The following POLR1A variants were observed in gnomAD, a reference collection of about 807,000 sequenced individuals.
POLR1A encodes RNA polymerase I subunit A, also known as DNA-directed RNA polymerase I subunit RPA1.
POLR1A carries 84 observed loss-of-function variants against 205.3 expected under a neutral mutation model. The ratio of observed to expected loss-of-function variants is 0.41; its 90% confidence interval spans 0.34 to 0.49. POLR1A has a LOEUF of 0.49. POLR1A is among the 20% of genes least tolerant of loss of function. The pLI is 0.22. For synonymous variants in POLR1A, 799 were observed against 863.7 expected (o/e 0.93, Z 1.31); for missense variants, 1,645 against 2,204.5 (o/e 0.75, Z 5.08).
chr2:86,020,276 G>C lies in POLR1A; in HGVS notation c.*7147C>G, dbSNP rs2104368137. ...GCAAACTGAAGTACAAATGAGGCTG[G>C]GCATAGTGGCTTACACCTGTAATCC... is the stretch of plus-strand genomic sequence containing the variant. On this transcript the variant is annotated 3_prime_UTR_variant, in exon 34 of 34. Transcript: ENST00000263857. 1 of 152,246 alleles carries C rather than the reference G, an allele frequency of 6.6e-6. No homozygotes were observed. The highest frequency in any genetic ancestry group is 2.1e-4 in the South Asian group (1 of 4,822). The allele number at this position is 152,246 out of a possible 1,614,324, so 9.4% of individuals were successfully genotyped here.
intron 14 of POLR1A, among the ~76,000 whole-genome samples, chr2:86,059,885 A>G (rs1405414808): frequency 1.3e-5 from 2 of 151,762 alleles, no homozygotes; most frequent in Non-Finnish European, 2.9e-5. Flanking sequence ...TTTATTTTCT[A>G]TGAGAGTATG....
chr2:86,105,664 A>C, intron 1 of POLR1A, 36 bp downstream of exon 1: 1 of 1,474,392 alleles, frequency 6.8e-7, no homozygotes, highest in Non-Finnish European at 9.5e-7. Flanking sequence ...CGACCTCAAG[A>C]TCCAGGCTGG....
chr2:86,044,106 T>G, intron 22 of POLR1A, 33 bp downstream of exon 22: 1 of 1,610,818 alleles, frequency 6.2e-7, no homozygotes, highest in Non-Finnish European at 8.5e-7. Context: ...GGCCTACTGC[T>G]CGGCCCCCAG....
At chr2:86,046,477 T>G (rs545930338) in intron 19 of POLR1A, among the ~76,000 whole-genome samples, 9 of 152,286 alleles carry the variant, frequency 5.9e-5, no homozygotes, top group African/African-American at 2.2e-4. Context: ...GGGTGGGCCT[T>G]TAGACCCTCT....
chr2:86,047,781 G>A (rs921778133), intron 18 of POLR1A, among the ~76,000 whole-genome samples: 2 of 152,174 alleles, frequency 1.3e-5, no homozygotes, highest in African/African-American at 4.8e-5. Flanking sequence ...CCCCTTCAGG[G>A]GGATCCTGGG....
At chr2:86,033,543 G>A (rs1299331082) in intron 28 of POLR1A, 118 bp downstream of exon 28, 2 of 1,140,658 alleles carry the variant, frequency 1.8e-6, no homozygotes, top group African/African-American at 3.1e-5. Flanking sequence ...AGCTGAGATA[G>A]GTAGGAGATG....
In POLR1A at chr2:86,020,856, A is replaced by G. The variant is rs998173399; in HGVS notation, c.*6567T>C. 6.6e-6 allele frequency: 1 copy of G among 152,260 alleles called. No homozygotes were observed. Among genetic ancestry groups the G allele is most frequent in the African/African-American group, 2.4e-5 (1 of 41,470 alleles). 9.4% of individuals were successfully genotyped at this position (152,260 alleles called of 1,614,324 possible). ...GTCCCCTGGGGGGCAAATTGCCCCA[A>G]GTTGAGAACCACTTAGTGTATAGGT... On this transcript the variant is annotated 3_prime_UTR_variant, in exon 34 of 34. Coordinates refer to ENST00000263857, the MANE Select transcript of POLR1A (RefSeq NM_015425.6).
intron 27 of POLR1A, among the ~76,000 whole-genome samples, chr2:86,036,765 G>C (rs1231760892): frequency 6.6e-6 from 1 of 152,202 alleles, no homozygotes; most frequent in Non-Finnish European, 1.5e-5. Context: ...TCCACCAAAA[G>C]CTACTGCGCA....
intron 12 of POLR1A, among the ~76,000 whole-genome samples, chr2:86,072,868 C>T (rs1673205403): frequency 6.6e-6 from 1 of 152,232 alleles, no homozygotes; most frequent in Admixed American, 6.5e-5. Context: ...CAACCTCACA[C>T]AGCCCCTTCA....
At chr2:86,083,670 T>A (rs558931069) in intron 6 of POLR1A, among the ~76,000 whole-genome samples, 1 of 152,228 alleles carries the variant, frequency 6.6e-6, no homozygotes, top group Non-Finnish European at 1.5e-5. Context: ...TAATTGGACA[T>A]CTGGATTGAT....
intron 12 of POLR1A, among the ~76,000 whole-genome samples, chr2:86,071,477 G>A (rs1673180449): frequency 1.3e-5 from 2 of 152,184 alleles, no homozygotes; most frequent in South Asian, 2.1e-4. Flanking sequence ...TCTTAGCATC[G>A]TTCTTCCTAT....
chr2:86,096,620 C>T (rs1673708187), intron 3 of POLR1A, among the ~76,000 whole-genome samples: 1 of 152,136 alleles, frequency 6.6e-6, no homozygotes. Flanking sequence ...AATTAATCTG[C>T]ATATCTACAG....
chr2:86,066,294 G>T (rs1250767966), intron 13 of POLR1A, among the ~76,000 whole-genome samples: 1 of 152,156 alleles, frequency 6.6e-6, no homozygotes, highest in East Asian at 1.9e-4. Context: ...ACAGCACAGG[G>T]TTCATGGTGG....
chr2:86,041,250 T>A (rs1412398282), intron 24 of POLR1A, among the ~76,000 whole-genome samples: 1 of 116,484 alleles, frequency 8.6e-6, no homozygotes, highest in Non-Finnish European at 1.7e-5. Context: ...AGTGTCTGTG[T>A]GTGTGTGTGT....
chr2:86,049,149 T>G lies in POLR1A; in HGVS notation c.2475+11A>C. 6.2e-7 allele frequency: 1 copy of G among 1,612,308 alleles called. No individual in the cohort carries two copies. ...TCTAGGGCAGGCCACGGCCTCGAAG[T>G]CCCTCCTTACCTGGGGCCCGCAGTG... On this transcript the variant is annotated intron_variant, in intron 17 of 33. Transcript: ENST00000263857.
chr2:86,038,368 G>A (rs569288740), intron 27 of POLR1A, among the ~76,000 whole-genome samples: 1 of 152,304 alleles, frequency 6.6e-6, no homozygotes, highest in South Asian at 2.1e-4. Flanking sequence ...CAGAAGCACC[G>A]CTTTGATGGT....
At chr2:86,082,705 A>C (rs112397577) in intron 7 of POLR1A, among the ~76,000 whole-genome samples, 7 of 152,250 alleles carry the variant, frequency 4.6e-5, no homozygotes, top group Non-Finnish European at 7.3e-5. Context: ...CTTATAGTAA[A>C]GTCCCAATTT....
intron 13 of POLR1A, among the ~76,000 whole-genome samples, chr2:86,069,209 C>T (rs991045708): frequency 2.0e-5 from 3 of 152,250 alleles, no homozygotes; most frequent in African/African-American, 7.2e-5. Context: ...GATTATTCTT[C>T]ATACTCCACC....
At chr2:86,068,391 G>GGGGGC (rs1553436059) in intron 13 of POLR1A, among the ~76,000 whole-genome samples, 3 of 116,386 alleles carry the variant, frequency 2.6e-5, no homozygotes, top group East Asian at 3.2e-4. Flanking sequence ...ATGGGCGGGG[G>GGGGGC]GGGGGGGCGG....
Sources: gnomAD v4.1 joint callset for allele counts (sites outside exome capture counted in the v4.1 genomes callset) on GRCh38, gnomAD v4.1.1 for gene constraint, MANE v1.5 for transcripts, NCBI Gene and HGNC (gene_info 2026-07-23, HGNC 2026-07-21) for gene names.